EFR3A: variants seen among roughly 807,000 people sequenced by gnomAD.
The protein encoded by EFR3A is protein EFR3 homolog A.
EFR3A carries 76 observed loss-of-function variants against 104.4 expected under a neutral mutation model. The observed-to-expected ratio is 0.73, with a 90% CI of 0.60 to 0.88. EFR3A has a LOEUF of 0.88. Ranked by LOEUF, EFR3A falls within the 40% of genes least tolerant of loss-of-function variation. The pLI is 0.00. For synonymous variants in EFR3A, 330 were observed against 330.0 expected (o/e 1.00, Z 0.00); for missense variants, 985 against 1,012.5 (o/e 0.97, Z 0.37).
intron 1 of EFR3A, among the ~76,000 whole-genome samples, chr8:131,931,113 A>G (rs1331915023): frequency 6.6e-6 from 1 of 152,092 alleles, no homozygotes; most frequent in Admixed American, 6.6e-5. Context: ...GAATTCTGGT[A>G]TGCCATCCCA....
chr8:131,947,485 T>C (rs981487159), intron 4 of EFR3A, among the ~76,000 whole-genome samples: 2 of 151,976 alleles, frequency 1.3e-5, no homozygotes, highest in African/African-American at 4.8e-5. Flanking sequence ...CTTCATGGTA[T>C]GCTTTGAGTC....
chr8:131,965,982 G>T (rs537058896), intron 8 of EFR3A, among the ~76,000 whole-genome samples: 1 of 151,990 alleles, frequency 6.6e-6, no homozygotes, highest in African/African-American at 2.4e-5. Flanking sequence ...AACACCGCAT[G>T]TTCTCACTCA....
At chr8:131,998,812 T>A (rs1177845652) in intron 19 of EFR3A, among the ~76,000 whole-genome samples, 1 of 151,956 alleles carries the variant, frequency 6.6e-6, no homozygotes, top group Non-Finnish European at 1.5e-5. Context: ...GAGTATAAAT[T>A]GGTGGTTGAC....
intron 1 of EFR3A, among the ~76,000 whole-genome samples, chr8:131,926,832 G>T (rs1353184175): frequency 2.0e-5 from 3 of 151,956 alleles, no homozygotes; most frequent in East Asian, 3.9e-4. Flanking sequence ...TTAAGTGTGG[G>T]AGTCAAATGC....
intron 8 of EFR3A, among the ~76,000 whole-genome samples, chr8:131,966,182 C>T (rs563380590): frequency 4.0e-4 from 61 of 152,018 alleles, no homozygotes; most frequent in African/African-American, 1.4e-3. Flanking sequence ...GCACATTGTG[C>T]ACATGTACCC....
intron 10 of EFR3A, among the ~76,000 whole-genome samples, chr8:131,970,916 C>G (rs1461916184): frequency 1.3e-5 from 2 of 151,978 alleles, no homozygotes; most frequent in East Asian, 3.9e-4. Context: ...GCATCTCTTC[C>G]TCCCTTCTCT....
chr8:131,982,684 T>C (rs1217820041), intron 14 of EFR3A, among the ~76,000 whole-genome samples: 1 of 152,172 alleles, frequency 6.6e-6, no homozygotes, highest in East Asian at 1.9e-4. Flanking sequence ...CTTAAGGAAC[T>C]TGAAGTCTAA....
chr8:132,001,265 A>T (rs1481507291), intron 19 of EFR3A, among the ~76,000 whole-genome samples: 1 of 152,206 alleles, frequency 6.6e-6, no homozygotes, highest in African/African-American at 2.4e-5. Context: ...AAATCATTTA[A>T]AATCTTAGTT....
Position 132,012,561 on chromosome 8 carries a change from C to T in EFR3A, c.*1666C>T, listed in dbSNP as rs1822395184. On this transcript the variant is annotated 3_prime_UTR_variant, in exon 23 of 23. Coordinates refer to ENST00000254624, the MANE Select transcript of EFR3A (RefSeq NM_015137.6). Reference sequence around the variant, plus strand: ...CCTCTTGATCAGGAAAAATGCTTCACCAGTCCGTAAAGCCAAGTTGTATTT... The same window carrying T: ...CCTCTTGATCAGGAAAAATGCTTCATCAGTCCGTAAAGCCAAGTTGTATTT... 6.6e-6 allele frequency: 1 copy of T among 152,514 alleles called. No individual in the cohort carries two copies. The highest frequency in any genetic ancestry group is 2.1e-4 in the South Asian group (1 of 4,828). The allele number at this position is 152,514 out of a possible 1,614,324, so 9.4% of individuals were successfully genotyped here.
Position 131,950,107 on chromosome 8 carries a change from T to C in EFR3A, c.488+17T>C. The C allele has an allele frequency of 6.3e-7, 1 of 1,585,948 alleles. No individual in the cohort carries two copies. Among genetic ancestry groups the C allele is most frequent in the Non-Finnish European group, 8.6e-7 (1 of 1,164,046 alleles). On this transcript the variant is annotated intron_variant, in intron 5 of 22. Coordinates refer to ENST00000254624, the MANE Select transcript of EFR3A (RefSeq NM_015137.6). ...ACGAACAGAGTATGTATTATTTTAC[T>C]TTATGATCTATAGTAAGTAATTTAG...
In EFR3A at chr8:131,987,667, A is replaced by T; in HGVS notation, c.2030A>T (p.Glu677Val). ...ESLGGSGYSV[E>V]RLSVPYVPQV... Reference sequence around the variant, plus strand: ...CTAGGTGGAAGTGGATATAGTGTTGAGAGATTGTCAGTTCCGTATGTACCA... The same window carrying T: ...CTAGGTGGAAGTGGATATAGTGTTGTGAGATTGTCAGTTCCGTATGTACCA... Residue 677 changes from glutamate (E) to valine (V), a missense_variant, in exon 18 of 23, where the codon GAG becomes GTG. Coordinates refer to ENST00000254624, the MANE Select transcript of EFR3A (RefSeq NM_015137.6). The T allele has an allele frequency of 6.3e-7, 1 of 1,596,596 alleles. No individual in the cohort carries two copies. Among genetic ancestry groups the T allele is most frequent in the South Asian group, 1.1e-5 (1 of 88,184 alleles).
intron 1 of EFR3A, among the ~76,000 whole-genome samples, chr8:131,908,235 T>C (rs1193893742): frequency 6.6e-6 from 1 of 152,022 alleles, no homozygotes; most frequent in Non-Finnish European, 1.5e-5. Context: ...TAATTTTTTG[T>C]ATTTTTAGTA....
At chr8:131,944,648 C>A in intron 2 of EFR3A, 97 bp from the exon 3 acceptor site, 2 of 1,231,288 alleles carry the variant, frequency 1.6e-6, no homozygotes, top group Non-Finnish European at 2.2e-6. Context: ...ATCGTTTAAT[C>A]CCCAATCCAG....
intron 1 of EFR3A, among the ~76,000 whole-genome samples, chr8:131,906,994 G>A (rs1816292365): frequency 7.1e-6 from 1 of 141,530 alleles, no homozygotes; most frequent in African/African-American, 2.6e-5. Context: ...TGTGTATCGG[G>A]AAGCTGAGCC....
intron 1 of EFR3A, chr8:131,938,314 G>C (rs1818008546): frequency 2.5e-6 from 1 of 397,796 alleles, no homozygotes; most frequent in Non-Finnish European, 4.4e-6. Flanking sequence ...TTCTATACTT[G>C]AGTAGGTCCA....
chr8:131,904,344 G>A (rs1419051646), intron 1 of EFR3A, 22 bp downstream of exon 1: 1 of 1,247,190 alleles, frequency 8.0e-7, no homozygotes, highest in Non-Finnish European at 1.0e-6. Context: ...GCCGAGGGCC[G>A]GGGGCGTTGG....
intron 19 of EFR3A, among the ~76,000 whole-genome samples, chr8:131,999,966 C>A (rs897069577): frequency 1.3e-5 from 2 of 151,960 alleles, no homozygotes; most frequent in Non-Finnish European, 2.9e-5. Context: ...GAATGAGGAT[C>A]TAGAGTAGCC....
At chr8:132,001,723 T>G (rs1309993879) in intron 19 of EFR3A, 36 bp from the exon 20 acceptor site, 1 of 1,592,522 alleles carries the variant, frequency 6.3e-7, no homozygotes, top group African/African-American at 1.3e-5. Context: ...TATTGACCCT[T>G]TTTAACTCTC....
intron 10 of EFR3A, among the ~76,000 whole-genome samples, chr8:131,975,625 C>T (rs1964659): frequency 6.6e-6 from 1 of 151,906 alleles, no homozygotes; most frequent in Non-Finnish European, 1.5e-5. Flanking sequence ...CATGTTGGTC[C>T]GGCTGGTCTC....
Sources: allele counts gnomAD v4.1 joint callset (sites outside exome capture counted in the v4.1 genomes callset), GRCh38; gene constraint gnomAD v4.1.1; transcripts MANE v1.5; gene names NCBI Gene and HGNC (gene_info 2026-07-23, HGNC 2026-07-21).